HCFC2: variants seen among roughly 807,000 people sequenced by gnomAD.
HCFC2 encodes host cell factor C2, also known as host cell factor 2.
Under a neutral mutation model 89.2 loss-of-function variants are expected in HCFC2, and 18 were observed. The ratio of observed to expected loss-of-function variants is 0.20; its 90% CI spans 0.14 to 0.30. HCFC2 has a LOEUF of 0.30. Among genes scored for constraint, HCFC2 ranks in the 10% least tolerant of loss-of-function variants. The pLI is 1.00. For synonymous variants in HCFC2, 308 were observed against 335.7 expected, an observed-to-expected ratio of 0.92 and a Z score of 0.90; for missense variants, 578 against 956.1, an observed-to-expected ratio of 0.60 and a Z score of 5.21.
chr12:104,070,104 G>A (rs1883273740), intron 3 of HCFC2, among the ~76,000 whole-genome samples: 1 of 151,946 alleles, frequency 6.6e-6, no homozygotes, highest in African/African-American at 2.4e-5. Flanking sequence ...CTCACTGCAA[G>A]CTCCGCCTCC....
chr12:104,090,141 G>GAAAGGTAAAT, intron 9 of HCFC2, among the ~76,000 whole-genome samples: 1 of 151,992 alleles, frequency 6.6e-6, no homozygotes, highest in Non-Finnish European at 1.5e-5. Flanking sequence ...GTGGGCTTTT[G>GAAAGGTAAAT]AAAGGTAAAT....
chr12:104,087,077 G>A (rs1162800887), intron 8 of HCFC2, 63 bp downstream of exon 8: 42 of 1,519,304 alleles, frequency 2.8e-5, no homozygotes, highest in Middle Eastern at 1.9e-4. Context: ...TATACTGGCC[G>A]GGCGCGGTGG....
At position 104,095,312 on chromosome 12, in the gene HCFC2, T is replaced by C; in HGVS notation, c.1463-48T>C. Reference sequence around the variant, plus strand: ...TGACAAGAACGATAAGACACAACAATTATCTGCAGATATCATATTAATAAT... The same window carrying C: ...TGACAAGAACGATAAGACACAACAACTATCTGCAGATATCATATTAATAAT... On this transcript the variant is annotated intron_variant, in intron 10 of 14. Transcript: ENST00000229330. The surrounding 1 kb of genome is among the most constrained non-coding windows in gnomAD (Gnocchi z 4.2). 7.2e-7 allele frequency: 1 copy of C among 1,387,600 alleles called. No individual in the cohort carries two copies. Among genetic ancestry groups the C allele is most frequent in the Non-Finnish European group, 1.0e-6 (1 of 981,148 alleles). The allele number at this position is 1,387,600 out of a possible 1,614,324, so 86.0% of individuals were successfully genotyped here. A position where few individuals can be genotyped will look rare whatever the true frequency, so the allele number is the denominator to read the frequency against.
chr12:104,082,700 T>A lies in HCFC2; in HGVS notation c.875-13T>A. 1 of 1,601,526 alleles carries A rather than the reference T, an allele frequency of 6.2e-7. No homozygotes were observed. The highest frequency in any genetic ancestry group is 8.5e-7 in the Non-Finnish European group (1 of 1,174,832). The stretch of plus-strand genomic sequence containing the variant: ...GAACAAAAGATTAGTCATGGATATT[T>A]CTATCTTTTCAGATACAACAGAGTG... On this transcript the variant is annotated splice_polypyrimidine_tract_variant and intron_variant, in intron 6 of 14. Transcript: ENST00000229330.
intron 3 of HCFC2, among the ~76,000 whole-genome samples, chr12:104,075,083 G>A (rs1423999301): frequency 6.6e-6 from 1 of 151,754 alleles, no homozygotes; most frequent in African/African-American, 2.4e-5. Flanking sequence ...AGCCAGGTGT[G>A]GTGGTACGCA....
In HCFC2 at chr12:104,080,742, T is replaced by C; in HGVS notation, c.683-4T>C. On this transcript the variant is annotated splice_region_variant and splice_polypyrimidine_tract_variant and intron_variant, in intron 4 of 14. Coordinates refer to ENST00000229330, the MANE Select transcript of HCFC2 (RefSeq NM_013320.3). Reference sequence around the variant, plus strand: ...GTTGCTAATATAATTATTTTTACTTTTAGAAACTATGTCATGGTCAAAACC... The same window carrying C: ...GTTGCTAATATAATTATTTTTACTTCTAGAAACTATGTCATGGTCAAAACC... 6.4e-7 allele frequency: 1 copy of C among 1,571,428 alleles called. No homozygotes were observed. The highest frequency in any genetic ancestry group is 8.6e-7 in the Non-Finnish European group (1 of 1,156,828).
intron 3 of HCFC2, among the ~76,000 whole-genome samples, chr12:104,071,663 C>T (rs1465886263): frequency 6.6e-6 from 1 of 152,238 alleles, no homozygotes; most frequent in African/African-American, 2.4e-5. Context: ...TGTCAGCTCA[C>T]TGGAGCCTCC....
intron 3 of HCFC2, among the ~76,000 whole-genome samples, chr12:104,079,077 A>G (rs2136606157): frequency 6.6e-6 from 1 of 152,312 alleles, no homozygotes; most frequent in East Asian, 1.9e-4. Flanking sequence ...GTCACAAACC[A>G]GTCCAGAATC....
At chr12:104,098,235 T>G in intron 12 of HCFC2, 108 bp from the exon 13 acceptor site, 1 of 760,324 alleles carries the variant, frequency 1.3e-6, no homozygotes, top group Non-Finnish European at 2.1e-6. Flanking sequence ...AATGTTGTGG[T>G]GTTTATCCAA....
Position 104,104,787 on chromosome 12 carries a change from A to G in HCFC2, c.*1514A>G, listed in dbSNP as rs1042772394. On this transcript the variant is annotated 3_prime_UTR_variant, in exon 15 of 15. Transcript: ENST00000229330. The stretch of plus-strand genomic sequence containing the variant: ...AGTTTCTCTTGAAGAAAATATGCAA[A>G]TTGTTAGACACATAATGAGTGGTTT... The G allele has an allele frequency of 6.6e-6, 1 of 152,048 alleles. No individual in the cohort carries two copies. Among genetic ancestry groups the G allele is most frequent in the African/African-American group, 2.4e-5 (1 of 41,436 alleles). 9.4% of individuals were successfully genotyped at this position (152,048 alleles called of 1,614,324 possible).
chr12:104,100,611 G>GAATT (rs1476429803), intron 13 of HCFC2, among the ~76,000 whole-genome samples: 1 of 151,888 alleles, frequency 6.6e-6, no homozygotes, highest in Non-Finnish European at 1.5e-5. Flanking sequence ...TTCTGAGAGA[G>GAATT]AATTGCCAAG....
rs945066623 is a variant in HCFC2, at chr12:104,066,334, G to A, written c.312+19G>A. On this transcript the variant is annotated intron_variant, in intron 2 of 14. Coordinates refer to ENST00000229330, the MANE Select transcript of HCFC2 (RefSeq NM_013320.3). ...GTTACAAGTAAGTGTATTTAATATT[G>A]TTTCATTCTGAGGCTTTAATAATGA... 6.5e-7 allele frequency: 1 copy of A among 1,534,396 alleles called. No individual in the cohort carries two copies. Among genetic ancestry groups the A allele is most frequent in the Non-Finnish European group, 8.8e-7 (1 of 1,137,304 alleles).
chr12:104,070,497 A>G (rs1395949725), intron 3 of HCFC2, among the ~76,000 whole-genome samples: 1 of 152,148 alleles, frequency 6.6e-6, no homozygotes, highest in Non-Finnish European at 1.5e-5. Context: ...AGAGCAAATA[A>G]TCTAAGCCTG....
rs1442439681 is a variant in HCFC2, at chr12:104,095,751, T to C, written c.1666+188T>C. Among the ~76,000 whole-genome samples, 1 of 152,204 alleles carries C rather than the reference T, an allele frequency of 6.6e-6. No individual in the cohort carries two copies. Among genetic ancestry groups the C allele is most frequent in the Non-Finnish European group, 1.5e-5 (1 of 68,022 alleles). ...CTTTTAGAATCTTTAAGAATTCTTTTTAGTTTTTGTTTTCTTTCTATCATG... is the reference window on the plus strand; with the variant it reads ...CTTTTAGAATCTTTAAGAATTCTTTCTAGTTTTTGTTTTCTTTCTATCATG... On this transcript the variant is annotated intron_variant, in intron 11 of 14. Coordinates refer to ENST00000229330, the MANE Select transcript of HCFC2 (RefSeq NM_013320.3). The surrounding 1 kb of genome is among the most constrained non-coding windows in gnomAD (Gnocchi z 4.2).
At position 104,083,204 on chromosome 12, in the gene HCFC2, C is replaced by G. The variant is rs189748907; in HGVS notation, c.1063+303C>G. Among the ~76,000 whole-genome samples the G allele has an allele frequency of 7.2e-5, 11 of 152,228 alleles. No homozygotes were observed. The East Asian group carries it at 1.7e-3, about 24-fold the overall frequency. On this transcript the variant is annotated intron_variant, in intron 7 of 14. Coordinates refer to ENST00000229330, the MANE Select transcript of HCFC2 (RefSeq NM_013320.3). ...GCATGAGAAACCTGGCAAGCACTAC[C>G]TTAATCAAGTGATCAAGGTTAATAT...
At chr12:104,072,387 T>G (rs961472791) in intron 3 of HCFC2, among the ~76,000 whole-genome samples, 1 of 149,794 alleles carries the variant, frequency 6.7e-6, no homozygotes, top group Non-Finnish European at 1.5e-5. Context: ...AAAAAAAAAG[T>G]AAAATTTGTA....
Position 104,104,260 on chromosome 12 carries a change from A to G in HCFC2, c.*987A>G, listed in dbSNP as rs1310481798. On this transcript the variant is annotated 3_prime_UTR_variant, in exon 15 of 15. Coordinates refer to ENST00000229330, the MANE Select transcript of HCFC2 (RefSeq NM_013320.3). The stretch of plus-strand genomic sequence containing the variant: ...TGTAAGATTTTTGTAAATGCTCTAA[A>G]TGTTTTATTTTTGCATTGTTTTTAC... 1.3e-5 allele frequency: 2 copies of G among 152,016 alleles called. No homozygotes were observed. Among genetic ancestry groups the G allele is most frequent in the African/African-American group, 4.8e-5 (2 of 41,426 alleles). The allele number at this position is 152,016 out of a possible 1,614,324, so 9.4% of individuals were successfully genotyped here.
chr12:104,081,516 A>G (rs1883681635), intron 5 of HCFC2, among the ~76,000 whole-genome samples: 1 of 152,164 alleles, frequency 6.6e-6, no homozygotes, highest in African/African-American at 2.4e-5. Context: ...GTTTAATTAG[A>G]ATTTAATGAA....
chr12:104,082,196 G>A (rs964290138), intron 5 of HCFC2, among the ~76,000 whole-genome samples: 8 of 152,138 alleles, frequency 5.3e-5, no homozygotes, highest in African/African-American at 1.9e-4. Context: ...CTCTGACTGA[G>A]GTACCCTTAG....
Sources: allele counts gnomAD v4.1 joint callset (sites outside exome capture counted in the v4.1 genomes callset), GRCh38; gene constraint gnomAD v4.1.1; non-coding constraint Gnocchi (gnomAD v3.1); transcripts MANE v1.5; gene names NCBI Gene and HGNC (gene_info 2026-07-23, HGNC 2026-07-21).